The following GLT1D1 variants were observed in gnomAD, a reference collection of about 807,000 sequenced individuals.
The protein encoded by GLT1D1 is glycosyltransferase 1 domain-containing protein 1.
Under a neutral mutation model 28.7 loss-of-function variants are expected in GLT1D1, and 21 were observed. The observed-to-expected ratio is 0.73, with a 90% CI of 0.52 to 1.05. The LOEUF is 1.05. Among genes scored for constraint, GLT1D1 ranks in the 50% least tolerant of loss-of-function variants. The probability of loss-of-function intolerance (pLI) is 0.00; values close to 1 mark genes in which losing one functional copy is unlikely to be tolerated. For missense variants in GLT1D1, 343 were observed against 330.6 expected, an observed-to-expected ratio of 1.04 and a Z score of -0.29; for synonymous variants, 147 against 124.8, an observed-to-expected ratio of 1.18 and a Z score of -1.19.
chr12:128,928,750 A>T (rs1162078739), intron 4 of GLT1D1, among the ~76,000 whole-genome samples: 1 of 151,376 alleles, frequency 6.6e-6, no homozygotes, highest in Non-Finnish European at 1.5e-5. Flanking sequence ...TCTTCCTAGC[A>T]GCTGGGATTA....
intron 4 of GLT1D1, among the ~76,000 whole-genome samples, chr12:128,932,994 C>T (rs935867341): frequency 1.3e-5 from 2 of 152,184 alleles, no homozygotes; most frequent in Non-Finnish European, 1.5e-5. Context: ...TTCTGGACTC[C>T]CCCGGTCCCA....
intron 4 of GLT1D1, among the ~76,000 whole-genome samples, chr12:128,934,779 G>A (rs893527124): frequency 9.2e-5 from 14 of 152,212 alleles, no homozygotes; most frequent in East Asian, 7.7e-4. Context: ...AGGATGTCGC[G>A]TCAAGAAGCC....
In GLT1D1 at chr12:128,853,643, G is replaced by A; in HGVS notation, c.62G>A (p.Arg21His). ...ACCGGCAACGCGGTCACGGCCCAGC[G>A]CGTTCGGTAGGTGCAGGGCGCCGGG... Residue 21 changes from arginine to histidine, a missense_variant, in exon 1 of 8, where the codon CGC becomes CAC. By Grantham distance (29) the Arg-to-His change is conservative (BLOSUM62 0). Coordinates refer to ENST00000281703, the MANE Select transcript of GLT1D1 (RefSeq NM_144669.3). 2 of 1,166,098 alleles carry A rather than the reference G, an allele frequency of 1.7e-6. No individual in the cohort carries two copies. Among genetic ancestry groups the A allele is most frequent in the Non-Finnish European group, 1.1e-6 (1 of 936,984 alleles). The allele number at this position is 1,166,098 out of a possible 1,614,324, so 72.2% of individuals were successfully genotyped here.
intron 1 of GLT1D1, among the ~76,000 whole-genome samples, chr12:128,867,052 CAT>C (rs1956549359): frequency 6.6e-6 from 1 of 152,088 alleles, no homozygotes; most frequent in Non-Finnish European, 1.5e-5. Flanking sequence ...CTGCCTCTGA[CAT>C]AGAGGAGATT....
At chr12:128,883,031 A>G (rs1158355122) in intron 2 of GLT1D1, among the ~76,000 whole-genome samples, 1 of 151,094 alleles carries the variant, frequency 6.6e-6, no homozygotes, top group Non-Finnish European at 1.5e-5. Flanking sequence ...GGTTCAAGCA[A>G]TTCTCCTGCC....
intron 4 of GLT1D1, among the ~76,000 whole-genome samples, chr12:128,919,943 T>TTCTC (rs1160496585): frequency 3.6e-5 from 4 of 109,788 alleles, no homozygotes; most frequent in African/African-American, 1.4e-4. Context: ...TATTGCTTAT[T>TTCTC]TCTCTCTCTC....
intron 7 of GLT1D1, among the ~76,000 whole-genome samples, chr12:128,973,368 A>AT (rs372081462): frequency 2.7e-5 from 2 of 73,474 alleles, no homozygotes; most frequent in Non-Finnish European, 2.8e-5. Flanking sequence ...TTTTTTTTGT[A>AT]TTTTTGTAGA....
chr12:128,875,780 A>C, intron 1 of GLT1D1, 134 bp from the exon 2 acceptor site: 2 of 845,318 alleles, frequency 2.4e-6, no homozygotes, highest in South Asian at 3.4e-5. Context: ...AGCCTGGGCA[A>C]CATGAGTGAA....
At chr12:128,970,038 C>T (rs1053318817) in intron 7 of GLT1D1, among the ~76,000 whole-genome samples, 3 of 152,218 alleles carry the variant, frequency 2.0e-5, no homozygotes, top group Non-Finnish European at 4.4e-5. Flanking sequence ...AGTCCCCAGT[C>T]AGCGGGGTGC....
intron 1 of GLT1D1, among the ~76,000 whole-genome samples, chr12:128,868,254 T>C (rs1285456361): frequency 1.3e-5 from 2 of 152,118 alleles, no homozygotes; most frequent in African/African-American, 2.4e-5. Flanking sequence ...ACCTCTGAGG[T>C]TGAGTCTCTG....
At chr12:128,968,839 G>T (rs1878743183) in intron 7 of GLT1D1, among the ~76,000 whole-genome samples, 1 of 152,038 alleles carries the variant, frequency 6.6e-6, no homozygotes, top group African/African-American at 2.4e-5. Context: ...TGAAGAGCTG[G>T]GTGAGGACTG....
chr12:128,956,118 C>G lies in GLT1D1; in HGVS notation c.541-1427C>G, dbSNP rs1231828019. 2.5e-5 allele frequency among the ~76,000 whole-genome samples: 3 copies of G among 118,044 alleles called. No individual in the cohort carries two copies. In the East Asian group the frequency reaches 8.3e-4, roughly 33 times the overall value. 77.4% of individuals were successfully genotyped at this position (118,044 alleles called of 152,430 possible). On this transcript the variant is annotated intron_variant, in intron 6 of 7. Transcript: ENST00000281703. ...AGCTTACAGTGAGCCGAGATCGCGC[C>G]ACTGCCCTCCAGCTTGGGTGACAGA...
chr12:128,968,948 GC>G (rs1878756477), intron 7 of GLT1D1, among the ~76,000 whole-genome samples: 1 of 151,954 alleles, frequency 6.6e-6, no homozygotes, highest in Non-Finnish European at 1.5e-5. Flanking sequence ...TCCTCACTCG[GC>G]CCCGTCTTTC....
At chr12:128,906,927 G>A (rs1005496578) in intron 4 of GLT1D1, 5 of 702,374 alleles carry the variant, frequency 7.1e-6, no homozygotes, top group East Asian at 2.7e-5. Context: ...AGATCTCATT[G>A]GCTGTCACAA....
At chr12:128,913,682 G>A (rs189361980) in intron 4 of GLT1D1, among the ~76,000 whole-genome samples, 3 of 152,352 alleles carry the variant, frequency 2.0e-5, no homozygotes, top group East Asian at 3.9e-4. Flanking sequence ...GTGCTCAGGC[G>A]CACCTTAGTG....
chr12:128,904,722 C>T (rs1293917439), intron 4 of GLT1D1, among the ~76,000 whole-genome samples: 2 of 150,286 alleles, frequency 1.3e-5, no homozygotes, highest in African/African-American at 5.0e-5. Flanking sequence ...CAACCTGCGG[C>T]TCCCGGATTC....
chr12:128,881,123 TTGA>T (rs1566098306), intron 2 of GLT1D1, among the ~76,000 whole-genome samples: 27 of 147,634 alleles, frequency 1.8e-4, no homozygotes, highest in African/African-American at 6.0e-4. Flanking sequence ...ACTGGGGAGG[TTGA>T]GGAAGGCGAG....
intron 4 of GLT1D1, among the ~76,000 whole-genome samples, chr12:128,903,542 A>G (rs1870528792): frequency 6.6e-6 from 1 of 151,462 alleles, no homozygotes; most frequent in Admixed American, 6.6e-5. Context: ...GCTTGTCTCT[A>G]ATGAGTATAA....
At position 128,947,526 on chromosome 12, in the gene GLT1D1, G is replaced by A. The variant is rs997241692; in HGVS notation, c.540+68G>A. On this transcript the variant is annotated intron_variant, in intron 6 of 7. Coordinates refer to ENST00000281703, the MANE Select transcript of GLT1D1 (RefSeq NM_144669.3). ...GTCCATCACTCCTTCTCCTATTTAC[G>A]GAGGTGACGTCTTTGTCAATAACAT... is the stretch of plus-strand genomic sequence containing the variant. 5.1e-6 allele frequency: 8 copies of A among 1,558,964 alleles called. No homozygotes were observed. In the Admixed American group the frequency reaches 6.7e-5, roughly 13 times the overall value.
Sources: allele counts gnomAD v4.1 joint callset (sites outside exome capture counted in the v4.1 genomes callset), GRCh38; gene constraint gnomAD v4.1.1; transcripts MANE v1.5; gene names NCBI Gene and HGNC (gene_info 2026-07-23, HGNC 2026-07-21).